ATF2: variants seen among roughly 807,000 people sequenced by gnomAD.
The protein encoded by ATF2 is cyclic AMP-dependent transcription factor ATF-2.
A neutral mutation model predicts 60.6 loss-of-function variants in ATF2; 24 were observed. The ratio of observed to expected loss-of-function variants is 0.40; its 90% CI spans 0.29 to 0.56. ATF2 has a LOEUF of 0.56. Among genes scored for constraint, ATF2 ranks in the 20% least tolerant of loss-of-function variants. The pLI, the probability that ATF2 is intolerant of heterozygous loss-of-function variation, is 0.54. For missense variants in ATF2, 433 were observed against 607.7 expected, an observed-to-expected ratio of 0.71 and a Z score of 3.02; for synonymous variants, 206 against 215.4, an observed-to-expected ratio of 0.96 and a Z score of 0.38.
chr2:175,095,083 C>T (rs934481064), intron 11 of ATF2, among the ~76,000 whole-genome samples: 2 of 151,572 alleles, frequency 1.3e-5, no homozygotes, highest in African/African-American at 4.9e-5. Context: ...TTTTTTTCTT[C>T]ATCCTCCTAT....
At chr2:175,076,925 C>T (rs2105522963) in intron 13 of ATF2, among the ~76,000 whole-genome samples, 1 of 151,636 alleles carries the variant, frequency 6.6e-6, no homozygotes, top group East Asian at 2.0e-4. Context: ...TTAGGTATAT[C>T]TCCCAATGCT....
At chr2:175,144,511 C>A (rs144079364) in intron 2 of ATF2, among the ~76,000 whole-genome samples, 1 of 151,958 alleles carries the variant, frequency 6.6e-6, no homozygotes, top group Non-Finnish European at 1.5e-5. Context: ...AGAAATTAAC[C>A]GGCAAAACAC....
chr2:175,145,287 G>A (rs1310717848), intron 2 of ATF2, among the ~76,000 whole-genome samples: 3 of 152,170 alleles, frequency 2.0e-5, no homozygotes. Context: ...GTTGGAGGTA[G>A]GGCCTGGTGA....
chr2:175,113,975 A>C lies in ATF2; in HGVS notation c.741+19T>G. The C allele has an allele frequency of 6.3e-7, 1 of 1,578,736 alleles. No individual in the cohort carries two copies. The highest frequency in any genetic ancestry group is 8.7e-7 in the Non-Finnish European group (1 of 1,152,484). On this transcript the variant is annotated intron_variant, in intron 9 of 13. Coordinates refer to ENST00000264110, the MANE Select transcript of ATF2 (RefSeq NM_001880.4). ...AGATCAGTTTTGCGATAGAGATTTA[A>C]ATAGTCTAACTTTCTTACTGGGACT...
chr2:175,150,995 A>C (rs1255125700), intron 2 of ATF2, 65 bp downstream of exon 2: 1 of 152,590 alleles, frequency 6.6e-6, no homozygotes, highest in Non-Finnish European at 1.5e-5. Context: ...TAAATTCGGT[A>C]GTATTTGAAA....
At chr2:175,155,237 C>T (rs576367579) in intron 1 of ATF2, among the ~76,000 whole-genome samples, 1 of 152,290 alleles carries the variant, frequency 6.6e-6, no homozygotes, top group Non-Finnish European at 1.5e-5. Flanking sequence ...GAAATCCATA[C>T]CTATCCCCAT....
At chr2:175,098,656 A>T (rs1695103606) in intron 10 of ATF2, among the ~76,000 whole-genome samples, 1 of 152,182 alleles carries the variant, frequency 6.6e-6, no homozygotes, top group South Asian at 2.1e-4. Flanking sequence ...AAGAACACAT[A>T]TTCTTGGCAA....
chr2:175,165,061 G>T (rs1194797802), intron 1 of ATF2, among the ~76,000 whole-genome samples: 1 of 152,158 alleles, frequency 6.6e-6, no homozygotes, highest in Non-Finnish European at 1.5e-5. Flanking sequence ...GACCTCAGCT[G>T]ATCCGCCTGC....
At chr2:175,111,913 C>A (rs1044389240) in intron 9 of ATF2, among the ~76,000 whole-genome samples, 5 of 152,126 alleles carry the variant, frequency 3.3e-5, no homozygotes. Context: ...GTTAGAAATT[C>A]ATAATATTCA....
rs116198652 is a variant in ATF2 at position 175,154,795 on chromosome 2, G to C, written c.-142-3637C>G. ...ATATTTGGATATCACTAACCTGTGG[G>C]TAGAATCTCTGCTGAAATGTGCAAA... On this transcript the variant is annotated intron_variant, in intron 1 of 13. Transcript: ENST00000264110. Among the ~76,000 whole-genome samples, 772 of 152,310 alleles carry C rather than the reference G, an allele frequency of 5.1e-3. 5 individuals are homozygous for C. Among genetic ancestry groups the C allele is most frequent in the African/African-American group, 0.017 (710 of 41,558 alleles).
At chr2:175,102,193 C>T (rs1481374994) in intron 10 of ATF2, among the ~76,000 whole-genome samples, 2 of 152,090 alleles carry the variant, frequency 1.3e-5, no homozygotes, top group African/African-American at 4.8e-5. Context: ...TACAGAAACT[C>T]CAAAAAACTG....
intron 1 of ATF2, among the ~76,000 whole-genome samples, chr2:175,154,778 A>G (rs547628983): frequency 6.6e-6 from 1 of 152,194 alleles, no homozygotes; most frequent in Admixed American, 6.5e-5. Flanking sequence ...CTATATTTGG[A>G]TATCACTAAC....
intron 1 of ATF2, among the ~76,000 whole-genome samples, chr2:175,159,268 G>A (rs1364274859): frequency 6.6e-6 from 1 of 151,398 alleles, no homozygotes; most frequent in African/African-American, 2.4e-5. Flanking sequence ...TCAGTGAGCT[G>A]AGAACCTACC....
chr2:175,092,154 T>A (rs928202560), intron 12 of ATF2, among the ~76,000 whole-genome samples: 4 of 152,212 alleles, frequency 2.6e-5, no homozygotes, highest in Admixed American at 2.6e-4. Flanking sequence ...CTAAAAACTG[T>A]TTCCTAACCA....
At chr2:175,130,253 A>G (rs566426292) in intron 3 of ATF2, 46 bp from the exon 4 acceptor site, 2 of 1,202,960 alleles carry the variant, frequency 1.7e-6, no homozygotes, top group South Asian at 2.0e-5. Context: ...TTTAAAATAA[A>G]GAATAATTTA....
At chr2:175,156,377 C>CAAAAAAAAAAA (rs57399474) in intron 1 of ATF2, among the ~76,000 whole-genome samples, 2 of 55,974 alleles carry the variant, frequency 3.6e-5, no homozygotes, top group African/African-American at 5.8e-5. Flanking sequence ...TCTCAAAAAA[C>CAAAAAAAAAAA]AAAAAAAAAA....
At chr2:175,119,249 G>A (rs1696788982) in intron 5 of ATF2, among the ~76,000 whole-genome samples, 2 of 151,556 alleles carry the variant, frequency 1.3e-5, no homozygotes, top group Non-Finnish European at 3.0e-5. Flanking sequence ...ATTAGAGTTG[G>A]TAGCACATTC....
intron 2 of ATF2, among the ~76,000 whole-genome samples, chr2:175,145,165 G>A (rs892379133): frequency 6.6e-6 from 1 of 152,082 alleles, no homozygotes; most frequent in Non-Finnish European, 1.5e-5. Context: ...CCACTGAGAG[G>A]GCCTGGGAAC....
chr2:175,112,228 C>T (rs542817283), intron 9 of ATF2, among the ~76,000 whole-genome samples: 7 of 152,116 alleles, frequency 4.6e-5, no homozygotes, highest in South Asian at 2.1e-4. Context: ...CTTTCATTTC[C>T]GGTTGCTTTC....
Sources: gnomAD v4.1 joint callset for allele counts (sites outside exome capture counted in the v4.1 genomes callset) on GRCh38, gnomAD v4.1.1 for gene constraint, MANE v1.5 for transcripts, NCBI Gene and HGNC (gene_info 2026-07-23, HGNC 2026-07-21) for gene names.